The following DMD variants were observed in gnomAD, a reference collection of about 807,000 sequenced individuals.
DMD encodes the protein mutant dystrophin.
DMD carries 63 observed loss-of-function variants against 330.1 expected under a neutral mutation model. The observed-to-expected ratio is 0.19, with a 90% CI of 0.16 to 0.24. The LOEUF is 0.24. Ranked by LOEUF, DMD falls within the 10% of genes least tolerant of loss-of-function variation. DMD has a pLI of 1.00. For synonymous variants in DMD, 1,223 were observed against 959.8 expected, an observed-to-expected ratio of 1.27 and a Z score of -5.07; for missense variants, 3,344 against 2,684.1, an observed-to-expected ratio of 1.25 and a Z score of -5.43.
At chrX:32,926,086 TCACA>T (rs1330769973) in intron 2 of DMD, among the ~76,000 whole-genome samples, 1 of 111,240 alleles carries the variant, frequency 9.0e-6, no homozygotes, top group African/African-American at 3.3e-5. Flanking sequence ...GAAAATGTGG[TCACA>T]CACACACACA....
At chrX:32,979,748 T>G (rs1602376969) in intron 2 of DMD, among the ~76,000 whole-genome samples, 1 of 111,921 alleles carries the variant, frequency 8.9e-6, no homozygotes, top group East Asian at 2.8e-4. Context: ...CTGGAAGATA[T>G]ATAATGGGAG....
chrX:31,531,696 C>T (rs1603332059), intron 55 of DMD, among the ~76,000 whole-genome samples: 1 of 108,930 alleles, frequency 9.2e-6, no homozygotes, highest in East Asian at 2.9e-4. Flanking sequence ...TCCCATTTGT[C>T]AATTTTGGCT....
intron 7 of DMD, among the ~76,000 whole-genome samples, chrX:32,728,284 A>T (rs1414427882): frequency 8.9e-6 from 1 of 112,153 alleles, no homozygotes; most frequent in Non-Finnish European, 1.9e-5. Context: ...GCAAGTCAGT[A>T]TTACACGCAT....
chrX:32,304,584 T>C (rs1026337601), intron 42 of DMD, among the ~76,000 whole-genome samples: 15 of 111,276 alleles, frequency 1.3e-4, no homozygotes, highest in Non-Finnish European at 2.8e-4. Flanking sequence ...TCTTTTCATA[T>C]AATACAAATG....
In DMD at chrX:32,042,421, G is replaced by A. The variant is rs1157037789; in HGVS notation, c.6439-73907C>T. On this transcript the variant is annotated intron_variant, in intron 44 of 78. Transcript: ENST00000357033. ...GCAAGAAGGAGAATGAGTGAGGAGG[G>A]AAGGGGGAAGAGCCCTTTATAAAAC... 2.7e-5 allele frequency among the ~76,000 whole-genome samples: 3 copies of A among 109,829 alleles called. No individual in the cohort carries two copies. In the East Asian group the frequency reaches 8.6e-4, roughly 32 times the overall value.
chrX:31,753,238 C>T (rs1210637346), intron 51 of DMD, among the ~76,000 whole-genome samples: 3 of 111,976 alleles, frequency 2.7e-5, no homozygotes, highest in African/African-American at 9.7e-5. Flanking sequence ...TAGACAATTA[C>T]TCTGCAGTTG....
intron 68 of DMD, among the ~76,000 whole-genome samples, chrX:31,181,711 T>TA (rs531284195): frequency 1.0e-3 from 115 of 112,136 alleles, no homozygotes; most frequent in African/African-American, 3.5e-3. Flanking sequence ...ACACCAAAAG[T>TA]AAAAAAGCAC....
intron 62 of DMD, among the ~76,000 whole-genome samples, chrX:31,303,160 AT>A (rs1225317212): frequency 6.3e-5 from 7 of 111,262 alleles, no homozygotes; most frequent in Middle Eastern, 4.6e-3. Context: ...TATTTTTAGT[AT>A]TGCACCTGTA....
intron 50 of DMD, among the ~76,000 whole-genome samples, chrX:31,802,379 G>C (rs188198277): frequency 9.0e-6 from 1 of 111,332 alleles, no homozygotes; most frequent in East Asian, 2.8e-4. Context: ...GGGACTATTA[G>C]TCACTCTGAG....
chrX:32,485,417 A>C (rs2042324573), intron 20 of DMD, among the ~76,000 whole-genome samples: 1 of 110,946 alleles, frequency 9.0e-6, no homozygotes, highest in Non-Finnish European at 1.9e-5. Flanking sequence ...TCCATAAATC[A>C]AATATAGGTG....
intron 54 of DMD, among the ~76,000 whole-genome samples, chrX:31,656,133 G>T (rs2080770621): frequency 8.9e-6 from 1 of 112,247 alleles, no homozygotes; most frequent in East Asian, 2.8e-4. Flanking sequence ...AGTGAGAAAA[G>T]AACAGGGAAG....
intron 7 of DMD, among the ~76,000 whole-genome samples, chrX:32,719,440 G>A (rs2066043031): frequency 2.7e-5 from 3 of 111,563 alleles, no homozygotes; most frequent in East Asian, 2.8e-4. Context: ...GAAATTTTCA[G>A]TAAAGTATAC....
intron 2 of DMD, among the ~76,000 whole-genome samples, chrX:32,895,342 T>C (rs1430727521): frequency 3.6e-5 from 4 of 112,593 alleles, no homozygotes; most frequent in Admixed American, 1.9e-4. Flanking sequence ...TGTAATACCA[T>C]GACAAAGATT....
intron 63 of DMD, among the ~76,000 whole-genome samples, chrX:31,247,253 G>A (rs1213813423): frequency 9.0e-6 from 1 of 111,355 alleles, no homozygotes; most frequent in Non-Finnish European, 1.9e-5. Flanking sequence ...ATTTTGTAAG[G>A]CTATAGCTTG....
chrX:31,624,064 C>T (rs1449153220), intron 55 of DMD, among the ~76,000 whole-genome samples: 1 of 111,138 alleles, frequency 9.0e-6, no homozygotes, highest in Non-Finnish European at 1.9e-5. Flanking sequence ...CTTCTTAGGC[C>T]CAAAGCAGAA....
intron 30 of DMD, among the ~76,000 whole-genome samples, chrX:32,405,527 C>T (rs1234120474): frequency 2.7e-5 from 3 of 111,472 alleles, no homozygotes; most frequent in Non-Finnish European, 3.8e-5. Context: ...TTCAATAAAT[C>T]TTTTCTTAAT....
intron 47 of DMD, among the ~76,000 whole-genome samples, chrX:31,927,747 A>C (rs1462829636): frequency 9.0e-6 from 1 of 111,369 alleles, no homozygotes; most frequent in Non-Finnish European, 1.9e-5. Flanking sequence ...TAAATATTTT[A>C]TCAGTCGTGT....
At chrX:32,443,937 A>C (rs886500951) in intron 27 of DMD, among the ~76,000 whole-genome samples, 12 of 111,601 alleles carry the variant, frequency 1.1e-4, no homozygotes, top group African/African-American at 3.6e-4. Flanking sequence ...AATACAAAGG[A>C]AACATTTTTA....
chrX:32,011,435 A>G (rs895406799), intron 44 of DMD, among the ~76,000 whole-genome samples: 3 of 111,882 alleles, frequency 2.7e-5, no homozygotes, highest in Non-Finnish European at 5.6e-5. Context: ...TCCCCCTGGG[A>G]ACTACATTTC....
Sources: gnomAD v4.1 joint callset for allele counts (sites outside exome capture counted in the v4.1 genomes callset) on GRCh38, gnomAD v4.1.1 for gene constraint, MANE v1.5 for transcripts, NCBI Gene and HGNC (gene_info 2026-07-23, HGNC 2026-07-21) for gene names.